The following LRP11 variants were observed in gnomAD, a reference collection of about 807,000 sequenced individuals.
LRP11 encodes the protein LDL receptor related protein 11.
Under a neutral mutation model 43.1 loss-of-function variants are expected in LRP11, and 25 were observed. That is an observed-to-expected ratio of 0.58 (90% CI 0.42 to 0.81). LRP11 has a LOEUF of 0.81. LRP11 is among the 30% of genes least tolerant of loss of function. LRP11 has a pLI of 0.00. For missense variants in LRP11, 623 were observed against 665.1 expected, an observed-to-expected ratio of 0.94 and a Z score of 0.70; for synonymous variants, 316 against 299.4, an observed-to-expected ratio of 1.06 and a Z score of -0.57.
chr6:149,837,725 A>G (rs924901793), intron 3 of LRP11, among the ~76,000 whole-genome samples: 14 of 152,072 alleles, frequency 9.2e-5, no homozygotes, highest in African/African-American at 3.4e-4. Flanking sequence ...GAGGTGGCAC[A>G]CAGAAGCAAC....
chr6:149,857,495 T>A, intron 1 of LRP11, among the ~76,000 whole-genome samples: 1 of 144,396 alleles, frequency 6.9e-6, no homozygotes, highest in East Asian at 2.0e-4. Context: ...ACAAAGTGAG[T>A]CCCTGTGTCA....
chr6:149,820,272 C>G lies in LRP11; in HGVS notation c.*277G>C, dbSNP rs1178526468. On this transcript the variant is annotated 3_prime_UTR_variant, in exon 7 of 7. Transcript: ENST00000239367. ...ACCACCTCCTGAGATGCTGAATTTT[C>G]TCTCAGCTAAGTACACATTTCTATT... 3.8e-6 allele frequency: 1 copy of G among 261,692 alleles called. No homozygotes were observed. The highest frequency in any genetic ancestry group is 7.3e-6 in the Non-Finnish European group (1 of 137,794). The allele number at this position is 261,692 out of a possible 1,614,324, so 16.2% of individuals were successfully genotyped here. A position where few individuals can be genotyped will look rare whatever the true frequency, so the allele number is the denominator to read the frequency against.
intron 5 of LRP11, among the ~76,000 whole-genome samples, chr6:149,831,695 G>A (rs112815642): frequency 4.1e-4 from 62 of 152,290 alleles, no homozygotes; most frequent in Non-Finnish European, 7.1e-4. Flanking sequence ...TAGAGATGAG[G>A]TCTTACTCTG....
chr6:149,831,162 T>C (rs1231313985), intron 5 of LRP11, among the ~76,000 whole-genome samples: 1 of 152,256 alleles, frequency 6.6e-6, no homozygotes, highest in Non-Finnish European at 1.5e-5. Flanking sequence ...CTGAATGTAT[T>C]ATGTTTACTA....
intron 2 of LRP11, 119 bp from the exon 3 acceptor site, chr6:149,843,243 G>C: frequency 9.8e-7 from 1 of 1,020,172 alleles, no homozygotes; most frequent in South Asian, 1.5e-5. Flanking sequence ...CTGCACTCCG[G>C]CCCGAGGCTG....
chr6:149,837,836 C>T (rs1237438814), intron 3 of LRP11, among the ~76,000 whole-genome samples: 1 of 152,132 alleles, frequency 6.6e-6, no homozygotes, highest in Non-Finnish European at 1.5e-5. Flanking sequence ...TTCTGGCTGT[C>T]GATTGCTCTG....
intron 2 of LRP11, among the ~76,000 whole-genome samples, chr6:149,851,445 T>G (rs535568681): frequency 2.6e-5 from 4 of 152,350 alleles, no homozygotes; most frequent in African/African-American, 7.2e-5. Flanking sequence ...GAGGAACATC[T>G]GACAAACTGT....
intron 1 of LRP11, among the ~76,000 whole-genome samples, chr6:149,853,831 A>C (rs924101968): frequency 5.9e-5 from 9 of 152,202 alleles, no homozygotes; most frequent in Non-Finnish European, 1.3e-4. Flanking sequence ...TTATTAAAAC[A>C]AACCTGAAAA....
Position 149,836,224 on chromosome 6 carries a change from T to G in LRP11, c.1113A>C (p.Glu371Asp). 6.2e-7 allele frequency: 1 copy of G among 1,614,190 alleles called. No homozygotes were observed. Residue 371 changes from glutamate to aspartate, a missense_variant, in exon 5 of 7, where the codon GAA (glutamate) becomes GAC (aspartate). Coordinates refer to ENST00000239367, the MANE Select transcript of LRP11 (RefSeq NM_032832.6). ...PALPRTTGPS[E>D]DAGGDSLVEK... ...CCACCAAGGAGTCACCCCCTGCATC[T>G]TCACTCGGCCCTGTGGTTCTTGGCA...
At chr6:149,859,396 A>ATATATATATATATATATATATATTTT in intron 1 of LRP11, among the ~76,000 whole-genome samples, 6 of 71,486 alleles carry the variant, frequency 8.4e-5, no homozygotes, top group Non-Finnish European at 1.1e-4. Flanking sequence ...ATATATATAT[A>ATATATATATATATATATATATATTTT]TTTTTTTTTT....
At chr6:149,852,977 T>G in intron 2 of LRP11, 26 bp downstream of exon 2, 1 of 1,555,258 alleles carries the variant, frequency 6.4e-7, no homozygotes, top group Non-Finnish European at 8.7e-7. Context: ...ATACTCGTTT[T>G]TGTTAGCAGT....
At chr6:149,861,857 G>C (rs117987883) in intron 1 of LRP11, among the ~76,000 whole-genome samples, 2,347 of 152,278 alleles carry the variant, frequency 0.015, 33 homozygotes, top group Middle Eastern at 0.027. Flanking sequence ...TTGTTCTATG[G>C]CATATTCTTT....
At position 149,863,441 on chromosome 6, in the gene LRP11, CG is replaced by C; in HGVS notation, c.579del (p.Ala194ProfsTer36). 1 of 1,321,642 alleles carries C rather than the reference CG, an allele frequency of 7.6e-7. No individual in the cohort carries two copies. Among genetic ancestry groups the C allele is most frequent in the Non-Finnish European group, 9.6e-7 (1 of 1,044,008 alleles). 81.9% of individuals were successfully genotyped at this position (1,321,642 alleles called of 1,614,324 possible). A position where few individuals can be genotyped will look rare whatever the true frequency, so the allele number is the denominator to read the frequency against. On this transcript the variant is annotated frameshift_variant, in exon 1 of 7. Transcript: ENST00000239367. LOFTEE classifies it high-confidence loss of function. ...SYSLSRAPDG[A>X]ALATARASPR... ...GGCGAGGCGCGCGCGGTGGCCAGGG[CG>C]GCGCCGTCCGGCGCGCGGCTGAGGC...
intron 2 of LRP11, chr6:149,852,420 C>CT (rs1269654980): frequency 1.3e-5 from 2 of 152,222 alleles, no homozygotes; most frequent in Non-Finnish European, 2.9e-5. Flanking sequence ...CCAAGACTTC[C>CT]TGAGCATAGG....
At chr6:149,860,758 T>G (rs1160086420) in intron 1 of LRP11, among the ~76,000 whole-genome samples, 3 of 152,156 alleles carry the variant, frequency 2.0e-5, no homozygotes, top group Non-Finnish European at 4.4e-5. Context: ...CTTCCCTACC[T>G]CTACCCTCGC....
chr6:149,858,115 A>G (rs1306016193), intron 1 of LRP11, among the ~76,000 whole-genome samples: 1 of 152,184 alleles, frequency 6.6e-6, no homozygotes, highest in African/African-American at 2.4e-5. Context: ...GGTTTGTTAC[A>G]TAGGTATACA....
At chr6:149,860,543 T>C (rs1015160674) in intron 1 of LRP11, among the ~76,000 whole-genome samples, 7 of 152,100 alleles carry the variant, frequency 4.6e-5, no homozygotes, top group Non-Finnish European at 1.0e-4. Flanking sequence ...TCACAAAGCA[T>C]GTCCCCCCTT....
chr6:149,838,457 G>A (rs560498848), intron 3 of LRP11, among the ~76,000 whole-genome samples: 49 of 151,680 alleles, frequency 3.2e-4, no homozygotes, highest in African/African-American at 5.8e-4. Flanking sequence ...AAGCTAAGGC[G>A]GGTGGATCAC....
intron 6 of LRP11, among the ~76,000 whole-genome samples, chr6:149,825,123 G>A (rs1776322731): frequency 6.6e-6 from 1 of 152,114 alleles, no homozygotes. Flanking sequence ...TTTTAATATT[G>A]TCCTGATATT....
Sources: gnomAD v4.1 joint callset for allele counts (sites outside exome capture counted in the v4.1 genomes callset) on GRCh38, gnomAD v4.1.1 for gene constraint, MANE v1.5 for transcripts, NCBI Gene and HGNC (gene_info 2026-07-23, HGNC 2026-07-21) for gene names.